Variants in USP39 observed in about 807,000 individuals in gnomAD.
The protein encoded by USP39 is ubiquitin specific peptidase 39.
In USP39, 38 loss-of-function variants were observed where a neutral mutation model predicts 66.4. That is an observed-to-expected ratio of 0.57 (90% CI 0.44 to 0.75). The LOEUF (loss-of-function observed/expected upper bound fraction) is 0.75, where lower values mean the gene tolerates loss of function less well. Among genes scored for constraint, USP39 ranks in the 30% least tolerant of loss-of-function variants. The pLI is 0.00. For synonymous variants in USP39, 303 were observed against 274.6 expected (o/e 1.10, Z -1.02); for missense variants, 608 against 714.4 (o/e 0.85, Z 1.70).
At position 85,641,118 on chromosome 2, in the gene USP39, C is replaced by G. The variant is rs749242731; in HGVS notation, c.1427C>G (p.Thr476Arg). 6.2e-7 allele frequency: 1 copy of G among 1,612,370 alleles called. No individual in the cohort carries two copies. Among genetic ancestry groups the G allele is most frequent in the South Asian group, 1.1e-5 (1 of 90,556 alleles). The change falls in exon 10 of 13, where the codon ACA becomes AGA. Residue 476 changes from threonine to arginine, a missense_variant and splice_region_variant. Transcript: ENST00000323701. ...CCAACTATTGTCAATTTCCCTATTA[C>G]GTAAGTAACATCCTGCCTCACTTCT... ...KNPTIVNFPI[T>R]NVDLREYLSE...
intron 5 of USP39, among the ~76,000 whole-genome samples, chr2:85,626,805 C>T (rs975492384): frequency 6.6e-6 from 1 of 151,808 alleles, no homozygotes; most frequent in Non-Finnish European, 1.5e-5. Context: ...GCAACCTCTG[C>T]CTCCCAGGTT....
At chr2:85,624,280 G>A (rs779240909) in intron 4 of USP39, among the ~76,000 whole-genome samples, 4 of 152,004 alleles carry the variant, frequency 2.6e-5, no homozygotes, top group Non-Finnish European at 4.4e-5. Context: ...TTAGTGTTGG[G>A]CTTTTGATTA....
chr2:85,610,358 C>T (rs1364046889), upstream of USP39: 2 of 152,194 alleles, frequency 1.3e-5, no homozygotes, highest in Non-Finnish European at 2.9e-5. Context: ...ACTTATTTAC[C>T]TTTGCATCCC....
At chr2:85,642,799 C>T (rs3821020) in intron 10 of USP39, among the ~76,000 whole-genome samples, 11,930 of 151,980 alleles carry the variant, frequency 0.078, 963 homozygotes, top group East Asian at 0.31. Context: ...CTGTTTTTGT[C>T]GGAGAGTTAT....
intron 11 of USP39, among the ~76,000 whole-genome samples, chr2:85,646,973 C>T (rs1405573258): frequency 2.0e-5 from 3 of 151,490 alleles, no homozygotes; most frequent in Non-Finnish European, 4.4e-5. Flanking sequence ...CTGCAACCTC[C>T]ACCTCCTGGG....
chr2:85,640,886 T>C (rs1415816382), intron 9 of USP39, 90 bp from the exon 10 acceptor site: 2 of 1,265,468 alleles, frequency 1.6e-6, no homozygotes, highest in African/African-American at 3.0e-5. Context: ...CAAAATTATA[T>C]TTTAAAAAAT....
chr2:85,604,497 C>A (rs1455690967), intron 1 of USP39, among the ~76,000 whole-genome samples: 1 of 152,148 alleles, frequency 6.6e-6, no homozygotes, highest in Non-Finnish European at 1.5e-5. Flanking sequence ...CAGATGTGAA[C>A]CACCGTGCCC....
At chr2:85,614,999 G>GGTGTGGT (rs1402511933), upstream of USP39, among the ~76,000 whole-genome samples, 50 of 132,692 alleles carry the variant, frequency 3.8e-4, no homozygotes, top group African/African-American at 1.2e-3. Context: ...GGTGTGGTGT[G>GGTGTGGT]GTGTGGTGTG....
At position 85,628,396 on chromosome 2, in the gene USP39, C is replaced by T. The variant is rs767678560; in HGVS notation, c.724-2325C>T. Among the ~76,000 whole-genome samples the T allele has an allele frequency of 4.1e-4, 62 of 152,192 alleles. 1 individual carries two copies. The highest frequency in any genetic ancestry group is 2.0e-4 in the Admixed American group (3 of 15,278). On this transcript the variant is annotated intron_variant, in intron 5 of 12. Coordinates refer to ENST00000323701, the MANE Select transcript of USP39 (RefSeq NM_006590.4). ...TCCTGACTTCGTGATCTGCTCGCCT[C>T]GGCCTCCCAAAGTACTGGGATTACA...
rs1675860184 is a variant in USP39, at chr2:85,637,436, G to C, written c.1095G>C (p.Leu365=). 6.2e-7 allele frequency: 1 copy of C among 1,614,064 alleles called. No homozygotes were observed. The highest frequency in any genetic ancestry group is 1.3e-5 in the African/African-American group (1 of 75,004). Residue 365 remains leucine (L), a splice_region_variant and synonymous_variant, in exon 8 of 13, where the codon CTG becomes CTC. Transcript: ENST00000323701. ...IFTKKLPHPD[L]PAEEKEQLLH... ...CTAAAAAGCTTCCCCATCCTGATCT[G>C]GTGAGTTAATTGAGCCTGGGTCTTG...
At chr2:85,630,168 C>T (rs1030075026) in intron 5 of USP39, among the ~76,000 whole-genome samples, 2 of 151,920 alleles carry the variant, frequency 1.3e-5, no homozygotes, top group Non-Finnish European at 2.9e-5. Flanking sequence ...GTTCTTACAC[C>T]TTTGCGTCCT....
chr2:85,630,796 G>T lies in USP39; in HGVS notation c.799G>T (p.Gly267Trp). ...DNYKNIKRPP[G>W]DIMFLLVQRF... ...TTATAAGAACATCAAACGTCCTCCA[G>T]GGGATATCATGTTCTTGTTGGTCCA... is the stretch of plus-strand genomic sequence containing the variant. Residue 267 changes from glycine to tryptophan, a missense_variant, in exon 6 of 13, where the codon GGG (glycine) becomes TGG (tryptophan). Transcript: ENST00000323701. 3.7e-6 allele frequency: 6 copies of T among 1,614,192 alleles called. No individual in the cohort carries two copies. Among genetic ancestry groups the T allele is most frequent in the Non-Finnish European group, 4.2e-6 (5 of 1,180,036 alleles).
intron 2 of USP39, among the ~76,000 whole-genome samples, chr2:85,621,007 T>A (rs927954101): frequency 2.6e-5 from 4 of 152,196 alleles, no homozygotes; most frequent in African/African-American, 9.6e-5. Context: ...TATTATTATT[T>A]GTTTTTAAGA....
upstream of USP39, chr2:85,612,359 G>A (rs1361203237): frequency 6.5e-7 from 1 of 1,535,942 alleles, no homozygotes; most frequent in South Asian, 1.2e-5. Flanking sequence ...TCTTTTTTCT[G>A]GTAATAGGAT....
At chr2:85,635,380 T>C (rs1675685119) in intron 6 of USP39, among the ~76,000 whole-genome samples, 1 of 151,970 alleles carries the variant, frequency 6.6e-6, no homozygotes, top group African/African-American at 2.4e-5. Flanking sequence ...GCCAACATGG[T>C]GAAGCCCCGT....
Position 85,625,154 on chromosome 2 carries a change from G to C in USP39, c.571-385G>C, listed in dbSNP as rs72923048. On this transcript the variant is annotated intron_variant, in intron 4 of 12. Transcript: ENST00000323701. ...TCATGGAGATCCTCATTCCCACCCA[G>C]AGTGGAGGAAACTCTCCTGCTCCAA... 9.0e-3 allele frequency among the ~76,000 whole-genome samples: 1,375 copies of C among 152,250 alleles called. 23 individuals are homozygous for C. The highest frequency in any genetic ancestry group is 0.031 in the African/African-American group (1,268 of 41,526).
At chr2:85,632,387 C>G (rs1244177837) in intron 6 of USP39, among the ~76,000 whole-genome samples, 2 of 151,838 alleles carry the variant, frequency 1.3e-5, no homozygotes, top group East Asian at 3.9e-4. Flanking sequence ...CACCACTGCA[C>G]TCCAGCTGGG....
intron 6 of USP39, among the ~76,000 whole-genome samples, chr2:85,632,401 C>T (rs553526858): frequency 9.9e-5 from 15 of 150,856 alleles, no homozygotes; most frequent in African/African-American, 2.9e-4. Flanking sequence ...AGCTGGGGAA[C>T]GGAGGAAGAC....
chr2:85,609,922 C>G (rs879724154), upstream of USP39, among the ~76,000 whole-genome samples: 6 of 152,028 alleles, frequency 3.9e-5, no homozygotes, highest in Admixed American at 3.9e-4. Context: ...CTCAGGTGAT[C>G]CACCCACCTT....
Sources: allele counts gnomAD v4.1 joint callset (sites outside exome capture counted in the v4.1 genomes callset), GRCh38; gene constraint gnomAD v4.1.1; transcripts MANE v1.5; gene names NCBI Gene and HGNC (gene_info 2026-07-23, HGNC 2026-07-21).